Variants in RBFOX2 observed in about 807,000 individuals in gnomAD.
RBFOX2 encodes RNA binding fox-1 homolog 2.
RBFOX2 carries 10 observed loss-of-function variants against 49.1 expected under a neutral mutation model. The observed-to-expected ratio is 0.20, with a 90% CI of 0.13 to 0.35. The LOEUF is 0.35. RBFOX2 is among the 10% of genes least tolerant of loss of function. RBFOX2 has a pLI of 1.00. For missense variants in RBFOX2, 323 were observed against 486.9 expected (o/e 0.66, Z 3.17); for synonymous variants, 183 against 187.4 (o/e 0.98, Z 0.19).
chr22:35,745,718 T>A (rs1212655268), intron 11 of RBFOX2, among the ~76,000 whole-genome samples: 1 of 152,230 alleles, frequency 6.6e-6, no homozygotes, highest in African/African-American at 2.4e-5. Flanking sequence ...TCCTTTCTGC[T>A]GCCCTTAACT....
intron 1 of RBFOX2, among the ~76,000 whole-genome samples, chr22:35,924,881 G>A (rs901266482): frequency 6.6e-6 from 1 of 152,146 alleles, no homozygotes; most frequent in Non-Finnish European, 1.5e-5. Flanking sequence ...CTATTACAAA[G>A]TAGGAGGCTG....
intron 1 of RBFOX2, among the ~76,000 whole-genome samples, chr22:35,924,118 A>G (rs5755995): frequency 0.078 from 11,840 of 152,188 alleles, 486 homozygotes; most frequent in South Asian, 0.086. Flanking sequence ...GGATTTAAAA[A>G]CTACTTGCTT....
chr22:35,989,093 A>G (rs2150098890), intron 1 of RBFOX2, among the ~76,000 whole-genome samples: 1 of 152,362 alleles, frequency 6.6e-6, no homozygotes, highest in East Asian at 1.9e-4. Context: ...TGGGGTATCC[A>G]AGCACAGATG....
chr22:35,758,091 T>C (rs1937526160), intron 9 of RBFOX2, among the ~76,000 whole-genome samples: 1 of 152,208 alleles, frequency 6.6e-6, no homozygotes, highest in Non-Finnish European at 1.5e-5. Flanking sequence ...TTTACTAAGC[T>C]GAAAAGCAAT....
intron 4 of RBFOX2, among the ~76,000 whole-genome samples, chr22:35,774,304 G>C (rs1430876300): frequency 6.6e-6 from 1 of 152,054 alleles, no homozygotes; most frequent in African/African-American, 2.4e-5. Context: ...TTAATAATCT[G>C]TCATTACTGG....
At chr22:35,769,700 G>T (rs1942109067) in intron 4 of RBFOX2, among the ~76,000 whole-genome samples, 1 of 152,038 alleles carries the variant, frequency 6.6e-6, no homozygotes, top group Non-Finnish European at 1.5e-5. Context: ...CTGAAGTTCT[G>T]CCTAGCTGCT....
At chr22:36,016,197 GCTT>G (rs2059027876) in intron 1 of RBFOX2, among the ~76,000 whole-genome samples, 1 of 151,862 alleles carries the variant, frequency 6.6e-6, no homozygotes. Flanking sequence ...ATGGGAAAAA[GCTT>G]CTTAAAAGAA....
At chr22:35,777,514 T>C (rs1263140712) in intron 4 of RBFOX2, 2 of 154,516 alleles carry the variant, frequency 1.3e-5, no homozygotes, top group African/African-American at 4.8e-5. Flanking sequence ...TCATACTGAA[T>C]TCCTCAGTTA....
At chr22:35,863,754 G>A (rs562612325) in intron 1 of RBFOX2, among the ~76,000 whole-genome samples, 3 of 152,332 alleles carry the variant, frequency 2.0e-5, no homozygotes, top group African/African-American at 7.2e-5. Context: ...GTAGCCAGCT[G>A]TCGTTTACCC....
intron 2 of RBFOX2, among the ~76,000 whole-genome samples, chr22:35,802,966 G>A (rs1950047714): frequency 6.6e-6 from 1 of 152,098 alleles, no homozygotes; most frequent in Non-Finnish European, 1.5e-5. Flanking sequence ...TAAGCTTCAG[G>A]TGTTTGAACA....
chr22:35,974,400 C>G (rs1208414468), intron 1 of RBFOX2, among the ~76,000 whole-genome samples: 1 of 152,130 alleles, frequency 6.6e-6, no homozygotes, highest in East Asian at 1.9e-4. Context: ...AAAAAACAGG[C>G]TAGGCCAGGC....
At chr22:35,888,982 C>T (rs532098010) in intron 1 of RBFOX2, among the ~76,000 whole-genome samples, 1 of 152,184 alleles carries the variant, frequency 6.6e-6, no homozygotes, top group South Asian at 2.1e-4. Context: ...TGGTGAAACT[C>T]CATATCTATT....
At chr22:35,800,789 T>C (rs1315220712) in intron 2 of RBFOX2, among the ~76,000 whole-genome samples, 2 of 152,196 alleles carry the variant, frequency 1.3e-5, no homozygotes, top group Non-Finnish European at 2.9e-5. Flanking sequence ...GAAAAATGAC[T>C]TTTTCTTTAA....
chr22:35,775,948 C>A (rs1028323720), intron 4 of RBFOX2, among the ~76,000 whole-genome samples: 1 of 151,658 alleles, frequency 6.6e-6, no homozygotes, highest in African/African-American at 2.4e-5. Flanking sequence ...ATTTCCTTTG[C>A]TTCACAATAA....
At chr22:35,796,734 C>T (rs1042996442) in intron 2 of RBFOX2, among the ~76,000 whole-genome samples, 11 of 151,502 alleles carry the variant, frequency 7.3e-5, no homozygotes, top group Non-Finnish European at 1.3e-4. Flanking sequence ...TGTAAAATAT[C>T]GGCTTACTGA....
intron 1 of RBFOX2, among the ~76,000 whole-genome samples, chr22:36,002,139 C>T (rs563112413): frequency 5.3e-5 from 8 of 152,222 alleles, no homozygotes; most frequent in Non-Finnish European, 1.0e-4. Context: ...TTTTTCACTT[C>T]GGCTTGTGAA....
chr22:35,806,640 A>C (rs1950790946), intron 2 of RBFOX2, among the ~76,000 whole-genome samples: 1 of 152,248 alleles, frequency 6.6e-6, no homozygotes, highest in Non-Finnish European at 1.5e-5. Context: ...AGGAATCAGT[A>C]AAGAAGGAAC....
chr22:35,773,905 A>T (rs1356231685), intron 4 of RBFOX2, among the ~76,000 whole-genome samples: 1 of 152,116 alleles, frequency 6.6e-6, no homozygotes, highest in Admixed American at 6.5e-5. Context: ...TTAATCACTA[A>T]AAGTTTCTAG....
At chr22:36,025,847 A>G (rs1190246465) in intron 1 of RBFOX2, among the ~76,000 whole-genome samples, 1 of 152,042 alleles carries the variant, frequency 6.6e-6, no homozygotes, top group East Asian at 1.9e-4. Flanking sequence ...TTATTTTACA[A>G]CTAAGGAAAA....
Sources: allele counts gnomAD v4.1 joint callset (sites outside exome capture counted in the v4.1 genomes callset), GRCh38; gene constraint gnomAD v4.1.1; transcripts MANE v1.5; gene names NCBI Gene and HGNC (gene_info 2026-07-23, HGNC 2026-07-21).